The following ADAMTS6 variants were observed in gnomAD, a reference collection of about 807,000 sequenced individuals.
The protein encoded by ADAMTS6 is A disintegrin and metalloproteinase with thrombospondin motifs 6.
Under a neutral mutation model 144.3 loss-of-function variants are expected in ADAMTS6, and 23 were observed. The observed-to-expected ratio is 0.16, with a 90% CI of 0.11 to 0.23. ADAMTS6 has a LOEUF of 0.23. Ranked by LOEUF, ADAMTS6 falls within the 10% of genes least tolerant of loss-of-function variation. ADAMTS6 has a pLI of 1.00. For synonymous variants in ADAMTS6, 444 were observed against 457.5 expected (o/e 0.97, Z 0.38); for missense variants, 999 against 1,379.6 (o/e 0.72, Z 4.37).
At chr5:65,210,493 T>C (rs16893539) in intron 20 of ADAMTS6, 1 of 288,364 alleles carries the variant, frequency 3.5e-6, no homozygotes, top group South Asian at 5.3e-5. Context: ...CCAAGCGGAG[T>C]TGATTGGAGA....
chr5:65,435,200 T>C (rs1335199442), intron 7 of ADAMTS6, among the ~76,000 whole-genome samples: 2 of 152,114 alleles, frequency 1.3e-5, no homozygotes, highest in African/African-American at 4.8e-5. Context: ...ATATTCTATG[T>C]ATTGTTATTC....
intron 3 of ADAMTS6, among the ~76,000 whole-genome samples, chr5:65,461,636 T>G (rs1475241749): frequency 1.3e-5 from 2 of 152,200 alleles, no homozygotes; most frequent in Non-Finnish European, 2.9e-5. Flanking sequence ...TTGGTCTAAA[T>G]TAGTGGTTTT....
intron 21 of ADAMTS6, among the ~76,000 whole-genome samples, chr5:65,194,062 A>G (rs1167560563): frequency 6.6e-6 from 1 of 152,102 alleles, no homozygotes; most frequent in African/African-American, 2.4e-5. Flanking sequence ...TTATCTGCCT[A>G]TCACATGATC....
intron 22 of ADAMTS6, among the ~76,000 whole-genome samples, chr5:65,182,736 T>C (rs1479435665): frequency 1.3e-5 from 2 of 152,198 alleles, no homozygotes; most frequent in Non-Finnish European, 2.9e-5. Context: ...AAACACATAA[T>C]GACATTTACT....
intron 8 of ADAMTS6, among the ~76,000 whole-genome samples, chr5:65,330,487 A>G (rs1746607770): frequency 6.6e-6 from 1 of 152,124 alleles, no homozygotes; most frequent in Admixed American, 6.6e-5. Context: ...AAACATTAAT[A>G]ATTACTTTCC....
chr5:65,294,217 T>A (rs1227323009), intron 10 of ADAMTS6, among the ~76,000 whole-genome samples: 1 of 152,212 alleles, frequency 6.6e-6, no homozygotes, highest in East Asian at 1.9e-4. Flanking sequence ...TTTCCTGTTT[T>A]AATTCTTTTG....
intron 7 of ADAMTS6, among the ~76,000 whole-genome samples, chr5:65,343,624 A>G (rs1748059032): frequency 1.3e-5 from 2 of 152,056 alleles, no homozygotes; most frequent in Admixed American, 1.3e-4. Context: ...GCTTCAGGAC[A>G]TTGGTCTGAG....
intron 7 of ADAMTS6, among the ~76,000 whole-genome samples, chr5:65,408,908 A>C (rs1754809939): frequency 6.6e-6 from 1 of 152,234 alleles, no homozygotes; most frequent in Non-Finnish European, 1.5e-5. Context: ...TACTGGGTAC[A>C]TAACGAAATG....
At chr5:65,428,714 T>A (rs182981352) in intron 7 of ADAMTS6, among the ~76,000 whole-genome samples, 6 of 152,276 alleles carry the variant, frequency 3.9e-5, no homozygotes, top group Admixed American at 3.3e-4. Context: ...TGTCTGGCAA[T>A]GATGATGACT....
At chr5:65,168,865 A>T (rs1378433031) in intron 24 of ADAMTS6, among the ~76,000 whole-genome samples, 1 of 147,864 alleles carries the variant, frequency 6.8e-6, no homozygotes, top group Non-Finnish European at 1.5e-5. Context: ...CCTTCCTTAC[A>T]TCTTATACAA....
At chr5:65,286,799 A>C (rs1035422119) in intron 11 of ADAMTS6, among the ~76,000 whole-genome samples, 3 of 152,220 alleles carry the variant, frequency 2.0e-5, no homozygotes, top group Admixed American at 1.3e-4. Context: ...AAGATTACCC[A>C]CAGCCCCTAC....
At chr5:65,390,714 T>A (rs945935002) in intron 7 of ADAMTS6, among the ~76,000 whole-genome samples, 3 of 152,234 alleles carry the variant, frequency 2.0e-5, no homozygotes, top group Non-Finnish European at 2.9e-5. Flanking sequence ...TTTTGTTTCA[T>A]CTTTACTACA....
intron 15 of ADAMTS6, among the ~76,000 whole-genome samples, chr5:65,241,046 T>C (rs1053495100): frequency 4.0e-5 from 6 of 151,894 alleles, no homozygotes; most frequent in Non-Finnish European, 8.8e-5. Context: ...TTGAAATACA[T>C]CAAAAAGTAC....
chr5:65,414,451 G>T (rs1755326901), intron 7 of ADAMTS6, among the ~76,000 whole-genome samples: 1 of 151,810 alleles, frequency 6.6e-6, no homozygotes, highest in African/African-American at 2.4e-5. Context: ...GAAAGATTTT[G>T]CCCCCCTACA....
At chr5:65,404,593 C>T (rs952730482) in intron 7 of ADAMTS6, among the ~76,000 whole-genome samples, 2 of 152,086 alleles carry the variant, frequency 1.3e-5, no homozygotes, top group Non-Finnish European at 2.9e-5. Context: ...GTGAATAATG[C>T]CACAATAAAC....
At chr5:65,298,737 T>G (rs776406137) in intron 10 of ADAMTS6, among the ~76,000 whole-genome samples, 35 of 152,250 alleles carry the variant, frequency 2.3e-4, no homozygotes, top group Non-Finnish European at 4.9e-4. Flanking sequence ...TCAAATTCCT[T>G]CAACTTTATT....
In ADAMTS6 at chr5:65,473,777, G is replaced by T; in HGVS notation, c.-104C>A. On this transcript the variant is annotated 5_prime_UTR_variant, in exon 2 of 25. Transcript: ENST00000381055. ...CAATTTTATTTCTTTAAAACTTCTT[G>T]CAAATTAGTTATTGGATGTTCCACT... The T allele has an allele frequency of 1.1e-6, 1 of 869,986 alleles. No individual in the cohort carries two copies. The highest frequency in any genetic ancestry group is 2.5e-5 in the East Asian group (1 of 39,502). The allele number at this position is 869,986 out of a possible 1,614,324, so 53.9% of individuals were successfully genotyped here.
intron 11 of ADAMTS6, among the ~76,000 whole-genome samples, chr5:65,274,280 G>A (rs548616537): frequency 6.6e-6 from 1 of 151,954 alleles, no homozygotes; most frequent in East Asian, 1.9e-4. Context: ...CCCCCAAAAA[G>A]CTTCCTTTTG....
At chr5:65,338,381 G>C (rs776648237) in intron 7 of ADAMTS6, among the ~76,000 whole-genome samples, 3 of 152,210 alleles carry the variant, frequency 2.0e-5, no homozygotes, top group African/African-American at 4.8e-5. Context: ...CAAAACTAGA[G>C]AATTTGGTTG....
Sources: allele counts gnomAD v4.1 joint callset (sites outside exome capture counted in the v4.1 genomes callset), GRCh38; gene constraint gnomAD v4.1.1; transcripts MANE v1.5; gene names NCBI Gene and HGNC (gene_info 2026-07-23, HGNC 2026-07-21).